Variants in DNM2 observed in about 807,000 individuals in gnomAD.
DNM2 encodes dynamin 2.
Under a neutral mutation model 99.0 loss-of-function variants are expected in DNM2, and 15 were observed. That is an observed-to-expected ratio of 0.15 (90% confidence interval 0.10 to 0.23). DNM2 has a LOEUF of 0.23. DNM2 is among the 10% of genes least tolerant of loss of function. DNM2 has a pLI of 1.00. For synonymous variants in DNM2, 525 were observed against 481.2 expected (o/e 1.09, Z -1.19); for missense variants, 742 against 1,189.4 (o/e 0.62, Z 5.53).
chr19:10,825,772 T>G (rs1249439323), intron 18 of DNM2, among the ~76,000 whole-genome samples: 1 of 150,028 alleles, frequency 6.7e-6, no homozygotes, highest in Non-Finnish European at 1.5e-5. Context: ...GACAATTACT[T>G]GAACCTGGGA....
intron 12 of DNM2, among the ~76,000 whole-genome samples, chr19:10,803,073 C>T (rs3786715): frequency 0.056 from 8,544 of 152,222 alleles, 573 homozygotes; most frequent in East Asian, 0.36. Context: ...CCCAGCTCCC[C>T]ACCCTCAGAG....
chr19:10,725,272 C>T (rs1177569034), intron 1 of DNM2, among the ~76,000 whole-genome samples: 1 of 152,024 alleles, frequency 6.6e-6, no homozygotes, highest in Non-Finnish European at 1.5e-5. Context: ...ATAGTGAATC[C>T]CGATCTCTAC....
At position 10,739,024 on chromosome 19, in the gene DNM2, G is replaced by T. The variant is rs138922389; in HGVS notation, c.161+20621G>T. On this transcript the variant is annotated intron_variant, in intron 1 of 20. Coordinates refer to ENST00000389253, the MANE Select transcript of DNM2 (RefSeq NM_001005361.3). ...TCTACTAAAAATACAAAAGATTAGC[G>T]GGGCGTGGTAGCGGGCGCCTGTACT... is the stretch of plus-strand genomic sequence containing the variant. Among the ~76,000 whole-genome samples the T allele has an allele frequency of 6.5e-3, 984 of 151,990 alleles. 20 individuals carry two copies. The highest frequency in any genetic ancestry group is 0.023 in the African/African-American group (935 of 41,442).
At chr19:10,782,188 A>T (rs1278686152) in intron 5 of DNM2, among the ~76,000 whole-genome samples, 1 of 151,602 alleles carries the variant, frequency 6.6e-6, no homozygotes, top group African/African-American at 2.4e-5. Flanking sequence ...GTGTGCTACC[A>T]CGCCTCGCTA....
chr19:10,759,815 A>G lies in DNM2; in HGVS notation c.235+4A>G, dbSNP rs1427346478. Reference sequence around the variant, plus strand: ...CAGCTCATCTTCTCAAAAACAGGTAAAATGGGGCGGCCTGAGGTTCAGCAG... The same window carrying G: ...CAGCTCATCTTCTCAAAAACAGGTAGAATGGGGCGGCCTGAGGTTCAGCAG... On this transcript the variant is annotated splice_donor_region_variant and intron_variant, in intron 2 of 20. Transcript: ENST00000389253. 1 of 1,613,960 alleles carries G rather than the reference A, an allele frequency of 6.2e-7. No individual in the cohort carries two copies. The highest frequency in any genetic ancestry group is 1.7e-5 in the Admixed American group (1 of 59,990).
Position 10,829,251 on chromosome 19 carries a change from G to T in DNM2, c.2274G>T (p.Gln758His), listed in dbSNP as rs2146206095. The T allele has an allele frequency of 6.8e-6, 11 of 1,613,494 alleles. No homozygotes were observed. The highest frequency in any genetic ancestry group is 9.3e-6 in the Non-Finnish European group (11 of 1,179,988). Residue 758 changes from glutamine (Q) to histidine (H), a missense_variant, in exon 19 of 21, where the codon CAG becomes CAT. Gln to His is a conservative substitution (Grantham distance 24, BLOSUM62 0). Around this residue, in one of 7 missense-constraint regions of DNM2, gnomAD observed 187 missense variants for 218.8 expected, o/e 0.85. Coordinates refer to ENST00000389253, the MANE Select transcript of DNM2 (RefSeq NM_001005361.3). ...CGCCTGTCGATGACACCTGGCTCCA[G>T]AGCGCCAGCAGCCACAGGTCCGGAA... ...VPPPVDDTWLQSASSHSPTPQ... is the reference protein window; with the variant it reads ...VPPPVDDTWLHSASSHSPTPQ...
chr19:10,721,553 G>A (rs1179308877), intron 1 of DNM2, among the ~76,000 whole-genome samples: 1 of 152,128 alleles, frequency 6.6e-6, no homozygotes, highest in Non-Finnish European at 1.5e-5. Flanking sequence ...TTTTTTTGGG[G>A]GGGTGTAAGA....
intron 1 of DNM2, among the ~76,000 whole-genome samples, chr19:10,737,059 G>C (rs962948263): frequency 6.6e-6 from 1 of 152,076 alleles, no homozygotes; most frequent in Non-Finnish European, 1.5e-5. Context: ...GAGGTGGGAG[G>C]ATTGCTTGAA....
At chr19:10,734,045 C>G (rs1051656648) in intron 1 of DNM2, among the ~76,000 whole-genome samples, 6 of 151,414 alleles carry the variant, frequency 4.0e-5, no homozygotes, top group Admixed American at 6.6e-5. Flanking sequence ...ATGAAATTAA[C>G]CTTGGTATAC....
At position 10,795,887 on chromosome 19, in the gene DNM2, TG is replaced by T; in HGVS notation, c.1196+452del. ...CCAGGTGTCTGCCCTTCCATCGCCG[TG>T]GGGTCCTCGGGTCACCCTGAGGGTT... On this transcript the variant is annotated intron_variant, in intron 9 of 20. Coordinates refer to ENST00000389253, the MANE Select transcript of DNM2 (RefSeq NM_001005361.3). The surrounding 1 kb of genome is among the most constrained non-coding windows in gnomAD (Gnocchi z 4.2). 9.9e-7 allele frequency: 1 copy of T among 1,014,460 alleles called. No individual in the cohort carries two copies. The highest frequency in any genetic ancestry group is 1.5e-6 in the Non-Finnish European group (1 of 657,006). The allele number at this position is 1,014,460 out of a possible 1,614,324, so 62.8% of individuals were successfully genotyped here. A position where few individuals can be genotyped will look rare whatever the true frequency, so the allele number is the denominator to read the frequency against.
At position 10,777,860 on chromosome 19, in the gene DNM2, G is replaced by T. The variant is rs571218061; in HGVS notation, c.688+644G>T. On this transcript the variant is annotated intron_variant, in intron 5 of 20. Coordinates refer to ENST00000389253, the MANE Select transcript of DNM2 (RefSeq NM_001005361.3). ...TCCACTTGCCTTGGCCTCCCAAAGTGCTGGGATTACAGCCATGAGCCACCG... is the reference window on the plus strand; with the variant it reads ...TCCACTTGCCTTGGCCTCCCAAAGTTCTGGGATTACAGCCATGAGCCACCG... Among the ~76,000 whole-genome samples, 75 of 152,222 alleles carry T rather than the reference G, an allele frequency of 4.9e-4. No homozygotes were observed. In the Middle Eastern group the frequency reaches 0.01, roughly 21 times the overall value.
chr19:10,815,072 A>T (rs557221317), intron 15 of DNM2, among the ~76,000 whole-genome samples: 1 of 152,306 alleles, frequency 6.6e-6, no homozygotes, highest in East Asian at 1.9e-4. Flanking sequence ...GCCCAAAATG[A>T]AGGCTCTTAA....
chr19:10,729,147 A>G (rs2069209187), intron 1 of DNM2, among the ~76,000 whole-genome samples: 1 of 116,810 alleles, frequency 8.6e-6, no homozygotes, highest in African/African-American at 3.3e-5. Context: ...CCTGGGCGAC[A>G]GAGCGAGACT....
intron 1 of DNM2, among the ~76,000 whole-genome samples, chr19:10,740,904 C>G (rs1473479605): frequency 2.0e-5 from 3 of 152,124 alleles, no homozygotes; most frequent in Non-Finnish European, 2.9e-5. Flanking sequence ...GTGTTCATTT[C>G]TAACTTCATT....
intron 1 of DNM2, among the ~76,000 whole-genome samples, chr19:10,746,558 A>G (rs1210882488): frequency 1.3e-5 from 2 of 150,928 alleles, no homozygotes; most frequent in Admixed American, 6.6e-5. Context: ...CGAGTAGCTG[A>G]GATTACAGGC....
chr19:10,718,584 G>A (rs930182943), intron 1 of DNM2, 181 bp downstream of exon 1: 23 of 949,426 alleles, frequency 2.4e-5, no homozygotes, highest in Non-Finnish European at 3.1e-5. Flanking sequence ...TCCCTGCAGG[G>A]GCTCCGGAGC....
intron 7 of DNM2, 67 bp from the exon 8 acceptor site, chr19:10,793,653 T>C: frequency 6.2e-7 from 1 of 1,613,900 alleles, no homozygotes; most frequent in South Asian, 1.1e-5. Context: ...TGGCTTGACT[T>C]GGAACATCAT....
chr19:10,731,181 C>T (rs1305362151), intron 1 of DNM2, among the ~76,000 whole-genome samples: 1 of 152,046 alleles, frequency 6.6e-6, no homozygotes, highest in Non-Finnish European at 1.5e-5. Flanking sequence ...CAGGGCGGAT[C>T]AGGGAGGGAC....
chr19:10,787,245 G>A (rs868211279), intron 7 of DNM2, among the ~76,000 whole-genome samples: 8 of 152,090 alleles, frequency 5.3e-5, no homozygotes, highest in South Asian at 2.1e-4. Flanking sequence ...CGAGGCGAGC[G>A]GATCATGTCA....
Sources: allele counts gnomAD v4.1 joint callset (sites outside exome capture counted in the v4.1 genomes callset), GRCh38; gene constraint gnomAD v4.1.1; regional missense constraint gnomAD v4.1.1; non-coding constraint Gnocchi (gnomAD v3.1); transcripts MANE v1.5; gene names NCBI Gene and HGNC (gene_info 2026-07-23, HGNC 2026-07-21).